Variants in KIAA1210 observed in about 807,000 individuals in gnomAD.
KIAA1210 encodes the protein KIAA1210.
A neutral mutation model predicts 78.9 loss-of-function variants in KIAA1210; 48 were observed. The observed-to-expected ratio is 0.61, with a 90% CI of 0.48 to 0.77. The LOEUF (loss-of-function observed/expected upper bound fraction) is 0.77. Ranked by LOEUF, KIAA1210 falls within the 30% of genes least tolerant of loss-of-function variation. The probability of loss-of-function intolerance (pLI) is 0.00; values close to 1 mark genes in which losing one functional copy is unlikely to be tolerated. For missense variants in KIAA1210, 1,108 were observed against 1,100.0 expected, an observed-to-expected ratio of 1.01 and a Z score of -0.10; for synonymous variants, 406 against 404.5, an observed-to-expected ratio of 1.00 and a Z score of -0.04.
In KIAA1210 at chrX:119,080,027, T is replaced by A. The variant is rs6603475; in HGVS notation, c.*1302A>T. On this transcript the variant is annotated 3_prime_UTR_variant, in exon 12 of 12. Transcript: ENST00000691062. The stretch of plus-strand genomic sequence containing the variant: ...GAGCTCCAGTGGCTCCAGATGTGCA[T>A]CAAGGCAGTAAGCTTGCCATCTGCC... The A allele has an allele frequency of 0.16, 18,124 of 111,076 alleles. 1,717 individuals are homozygous for A. The highest frequency in any genetic ancestry group is 0.47 in the East Asian group (1,643 of 3,482). The allele number at this position is 111,076 out of a possible 1,213,427, so 9.2% of individuals were successfully genotyped here. A position where few individuals can be genotyped will look rare whatever the true frequency, so the allele number is the denominator to read the frequency against.
intron 2 of KIAA1210, chrX:119,147,361 C>T (rs949756373): frequency 2.8e-4 from 251 of 900,351 alleles, no homozygotes; most frequent in Non-Finnish European, 3.7e-4. Context: ...CACACTGCTT[C>T]CAGGGTCATC....
chrX:119,109,149 A>G lies in KIAA1210; in HGVS notation c.284T>C (p.Leu95Ser). 1 of 1,207,636 alleles carries G rather than the reference A, an allele frequency of 8.3e-7. No homozygotes were observed. Among genetic ancestry groups the G allele is most frequent in the East Asian group, 3.0e-5 (1 of 33,787 alleles). The change falls in exon 4 of 12, where the codon TTG becomes TCG. Residue 95 changes from leucine to serine, a missense_variant. Coordinates refer to ENST00000691062, the MANE Select transcript of KIAA1210 (RefSeq NM_001394962.1). ...KALSHDSIFMLGPEPERSASK... is the reference protein window; with the variant it reads ...KALSHDSIFMSGPEPERSASK... The stretch of plus-strand genomic sequence containing the variant: ...TGCTGATCTTTCAGGCTCAGGACCC[A>G]ACATGAAGATGCTATCATGGGATAG...
chrX:119,085,074 G>C (rs1407430749), intron 10 of KIAA1210, among the ~76,000 whole-genome samples: 1 of 111,931 alleles, frequency 8.9e-6, no homozygotes, highest in African/African-American at 3.3e-5. Flanking sequence ...TAAAGATGGA[G>C]TTTCAGCATG....
In KIAA1210 at chrX:119,088,496, T is replaced by C. The variant is rs1281958882; in HGVS notation, c.2206A>G (p.Arg736Gly). The C allele has an allele frequency of 1.7e-6, 2 of 1,211,514 alleles. No individual in the cohort carries two copies. Among genetic ancestry groups the C allele is most frequent in the South Asian group, 1.8e-5 (1 of 56,889 alleles). ...TTCATAATGGGCTGAGAAGGGCATCTGGAAGGCAGCTGCTGCATAAAATCA... is the reference window on the plus strand; with the variant it reads ...TTCATAATGGGCTGAGAAGGGCATCCGGAAGGCAGCTGCTGCATAAAATCA... ...QNDFMQQLPS[R>G]CPSQPIMNPT... Residue 736 changes from arginine (R) to glycine (G), a missense_variant, in exon 9 of 12, where the codon AGA (arginine) becomes GGA (glycine). Transcript: ENST00000691062.
chrX:119,147,354 A>G (rs1929191502), intron 2 of KIAA1210: 3 of 830,757 alleles, frequency 3.6e-6, no homozygotes, highest in Non-Finnish European at 5.1e-6. Flanking sequence ...TGTAACCCAC[A>G]CTGCTTCCAG....
intron 2 of KIAA1210, among the ~76,000 whole-genome samples, chrX:119,135,792 G>A (rs1043030130): frequency 1.8e-5 from 2 of 112,219 alleles, no homozygotes; most frequent in African/African-American, 3.2e-5. Context: ...AGTGGCTCAC[G>A]CCTGTAATCC....
At chrX:119,128,757 C>A (rs750499460), upstream of KIAA1210, among the ~76,000 whole-genome samples, 8 of 111,442 alleles carry the variant, frequency 7.2e-5, 1 homozygote, top group South Asian at 7.7e-4. Context: ...CTCACTGCAA[C>A]CTCCGCCACC....
Position 119,109,160 on chromosome X carries a change from G to A in KIAA1210, c.273C>T (p.Ser91=). Reference sequence around the variant, plus strand: ...CAGGCTCAGGACCCAACATGAAGATGCTATCATGGGATAGGGCTTTGCTCC... The same window carrying A: ...CAGGCTCAGGACCCAACATGAAGATACTATCATGGGATAGGGCTTTGCTCC... ...SMGSKALSHD[S]IFMLGPEPER... Residue 91 remains serine (S), a synonymous_variant, in exon 4 of 12, where the codon AGC becomes AGT. Coordinates refer to ENST00000691062, the MANE Select transcript of KIAA1210 (RefSeq NM_001394962.1). The A allele has an allele frequency of 2.5e-6, 3 of 1,206,304 alleles. No homozygotes were observed. Among genetic ancestry groups the A allele is most frequent in the Non-Finnish European group, 3.4e-6 (3 of 892,118 alleles).
At chrX:119,124,795 G>A (rs1194245254) in intron 1 of KIAA1210, among the ~76,000 whole-genome samples, 6 of 110,143 alleles carry the variant, frequency 5.4e-5, no homozygotes, top group South Asian at 7.8e-4. Flanking sequence ...AGGCTGAGGC[G>A]GGAGGATCAC....
chrX:119,082,966 A>C, intron 11 of KIAA1210, 49 bp downstream of exon 11: 1 of 907,738 alleles, frequency 1.1e-6, no homozygotes, highest in Non-Finnish European at 1.5e-6. Context: ...AAAGTTTTAC[A>C]ACATTCTGTC....
intron 3 of KIAA1210, among the ~76,000 whole-genome samples, chrX:119,109,796 C>G (rs976684259): frequency 9.0e-6 from 1 of 111,565 alleles, no homozygotes; most frequent in Non-Finnish European, 1.9e-5. Flanking sequence ...TCATCAGATC[C>G]TTTCCTCTTT....
intron 6 of KIAA1210, among the ~76,000 whole-genome samples, chrX:119,099,072 T>C (rs1031774260): frequency 3.6e-5 from 4 of 111,989 alleles, no homozygotes; most frequent in African/African-American, 1.3e-4. Flanking sequence ...AACAAGGAGG[T>C]CTATGAATCT....
rs1352824672 is a variant in KIAA1210, at chrX:119,079,209, C to A, written c.*2120G>T. On this transcript the variant is annotated 3_prime_UTR_variant, in exon 12 of 12. Transcript: ENST00000691062. ...GTGTTTAGCTCTGACACCTCACTAC[C>A]TCTCTGGATTTTTTTGCATGGGGCA... 8.9e-6 allele frequency: 1 copy of A among 112,225 alleles called. No homozygotes were observed. The highest frequency in any genetic ancestry group is 1.9e-5 in the Non-Finnish European group (1 of 53,272). The allele number at this position is 112,225 out of a possible 1,213,427, so 9.2% of individuals were successfully genotyped here. A position where few individuals can be genotyped will look rare whatever the true frequency, so the allele number is the denominator to read the frequency against.
chrX:119,091,536 C>G (rs775189790), intron 8 of KIAA1210, among the ~76,000 whole-genome samples: 36 of 111,966 alleles, frequency 3.2e-4, no homozygotes, highest in African/African-American at 1.0e-3. Context: ...AGTAGTTGTA[C>G]AGATTACTCC....
At chrX:119,140,808 C>T (rs183021916) in intron 2 of KIAA1210, among the ~76,000 whole-genome samples, 8 of 112,275 alleles carry the variant, frequency 7.1e-5, no homozygotes, top group African/African-American at 2.6e-4. Flanking sequence ...GGCATGGTGG[C>T]ACATGCCTGT....
At chrX:119,125,265 T>C (rs188090201) in intron 1 of KIAA1210, among the ~76,000 whole-genome samples, 235 of 111,372 alleles carry the variant, frequency 2.1e-3, no homozygotes, top group African/African-American at 7.2e-3. Context: ...GAGTGAGTAG[T>C]TCTAACTCTC....
chrX:119,096,482 T>G lies in KIAA1210; in HGVS notation c.846+12A>C, dbSNP rs899813700. 8 of 1,196,059 alleles carry G rather than the reference T, an allele frequency of 6.7e-6. No individual in the cohort carries two copies. In the Admixed American group the frequency reaches 1.3e-4, roughly 20 times the overall value. ...TACAGGAGTTTAGTGCCCTGTCTCT[T>G]GAAGGACTTACAATCACTTGAAGGT... On this transcript the variant is annotated intron_variant, in intron 7 of 11. Transcript: ENST00000691062.
intron 2 of KIAA1210, among the ~76,000 whole-genome samples, chrX:119,120,919 G>C (rs898781833): frequency 1.8e-5 from 2 of 111,075 alleles, no homozygotes; most frequent in Non-Finnish European, 3.8e-5. Context: ...AGCTGGATAC[G>C]GCCTTTGTGA....
intron 8 of KIAA1210, among the ~76,000 whole-genome samples, chrX:119,091,494 T>A (rs1266741192): frequency 1.8e-5 from 2 of 112,232 alleles, no homozygotes; most frequent in Non-Finnish European, 3.8e-5. Flanking sequence ...CATCAACCTA[T>A]GAGTAGATAA....
Sources: gnomAD v4.1 joint callset for allele counts (sites outside exome capture counted in the v4.1 genomes callset) on GRCh38, gnomAD v4.1.1 for gene constraint, MANE v1.5 for transcripts, NCBI Gene and HGNC (gene_info 2026-07-23, HGNC 2026-07-21) for gene names.